The following IPO11 variants were observed in gnomAD, a reference collection of about 807,000 sequenced individuals.
IPO11 encodes importin 11.
In IPO11, 66 loss-of-function variants were observed where a neutral mutation model predicts 143.2. That is an observed-to-expected ratio of 0.46 (90% CI 0.38 to 0.57). IPO11 has a LOEUF of 0.57. Ranked by LOEUF, IPO11 falls within the 20% of genes least tolerant of loss-of-function variation. The probability of loss-of-function intolerance (pLI) is 0.00; values close to 1 mark genes in which losing one functional copy is unlikely to be tolerated. For missense variants in IPO11, 1,026 were observed against 1,141.0 expected (o/e 0.90, Z 1.45); for synonymous variants, 385 against 377.8 (o/e 1.02, Z -0.22).
At chr5:62,619,858 CA>C (rs746676766) in intron 29 of IPO11, among the ~76,000 whole-genome samples, 72 of 129,890 alleles carry the variant, frequency 5.5e-4, no homozygotes, top group Admixed American at 5.4e-4. Flanking sequence ...GACTCCACCT[CA>C]AAAAAAAAAA....
At chr5:62,463,947 C>T (rs1561321357) in intron 5 of IPO11, among the ~76,000 whole-genome samples, 1 of 151,498 alleles carries the variant, frequency 6.6e-6, no homozygotes, top group Non-Finnish European at 1.5e-5. Context: ...CCTTAGCTTC[C>T]CGAGTAGCTG....
At chr5:62,488,081 A>G (rs1281228155) in intron 13 of IPO11, among the ~76,000 whole-genome samples, 1 of 152,210 alleles carries the variant, frequency 6.6e-6, no homozygotes, top group East Asian at 1.9e-4. Context: ...TGTAGTAAAT[A>G]CAATAGAAGC....
intron 16 of IPO11, among the ~76,000 whole-genome samples, chr5:62,498,538 G>C (rs900937914): frequency 1.3e-5 from 2 of 152,112 alleles, no homozygotes; most frequent in Non-Finnish European, 2.9e-5. Context: ...GCTTCTTTAG[G>C]CTGTAGGGTT....
At chr5:62,525,862 A>G (rs1056424826) in intron 20 of IPO11, among the ~76,000 whole-genome samples, 1 of 152,212 alleles carries the variant, frequency 6.6e-6, no homozygotes, top group African/African-American at 2.4e-5. Flanking sequence ...AGGAAAATAG[A>G]TATTTCTTAT....
chr5:62,580,379 G>A (rs1580347892), intron 27 of IPO11: 8 of 1,547,198 alleles, frequency 5.2e-6, no homozygotes, highest in Admixed American at 3.9e-5. Context: ...AGAATAATTA[G>A]CATTGATAAT....
intron 28 of IPO11, 104 bp from the exon 29 acceptor site, chr5:62,601,660 T>A (rs1561382472): frequency 2.0e-6 from 1 of 510,666 alleles, no homozygotes; most frequent in Non-Finnish European, 3.2e-6. Context: ...TGTGAAAAAC[T>A]AAGAACATAG....
intron 27 of IPO11, among the ~76,000 whole-genome samples, chr5:62,586,579 C>T (rs1744780626): frequency 6.6e-6 from 1 of 151,370 alleles, no homozygotes; most frequent in Non-Finnish European, 1.5e-5. Flanking sequence ...TGAAGAAACC[C>T]CATCTCTACT....
At chr5:62,458,659 C>T (rs1354056697) in intron 5 of IPO11, among the ~76,000 whole-genome samples, 1 of 152,180 alleles carries the variant, frequency 6.6e-6, no homozygotes, top group African/African-American at 2.4e-5. Context: ...GTCATTTGTG[C>T]TGTGAACCTG....
chr5:62,535,663 A>G (rs983298161), intron 22 of IPO11, among the ~76,000 whole-genome samples: 1 of 152,094 alleles, frequency 6.6e-6, no homozygotes, highest in Non-Finnish European at 1.5e-5. Context: ...GCCTTCAGAG[A>G]CATTTTGAGA....
intron 26 of IPO11, among the ~76,000 whole-genome samples, chr5:62,557,535 C>G (rs187306701): frequency 6.6e-6 from 1 of 152,284 alleles, no homozygotes; most frequent in Non-Finnish European, 1.5e-5. Context: ...TCTCACTTCC[C>G]ATTGACATAT....
At position 62,485,405 on chromosome 5, in the gene IPO11, AT is replaced by A. The variant is rs1382577655; in HGVS notation, c.1175-9del. 8 of 1,598,524 alleles carry A rather than the reference AT, an allele frequency of 5.0e-6. No homozygotes were observed. The highest frequency in any genetic ancestry group is 6.9e-6 in the Non-Finnish European group (8 of 1,166,302). On this transcript the variant is annotated splice_polypyrimidine_tract_variant and intron_variant, in intron 11 of 29. Transcript: ENST00000325324. ...GATGTTGAAAATGTCATTATTACAT[AT>A]TTTTAATTGCAGCAGTGGAAGAAAC...
intron 1 of IPO11, among the ~76,000 whole-genome samples, chr5:62,415,127 C>T (rs766973197): frequency 2.0e-5 from 3 of 152,190 alleles, no homozygotes; most frequent in Non-Finnish European, 4.4e-5. Context: ...TCCCTGCTAA[C>T]TGCTCCTGTT....
intron 29 of IPO11, among the ~76,000 whole-genome samples, chr5:62,614,862 G>T (rs564227507): frequency 1.3e-5 from 2 of 152,274 alleles, no homozygotes; most frequent in East Asian, 3.9e-4. Context: ...TGAATGTGGG[G>T]GTTTTATTGA....
intron 28 of IPO11, among the ~76,000 whole-genome samples, chr5:62,597,211 G>T (rs866700018): frequency 2.6e-5 from 4 of 152,084 alleles, no homozygotes; most frequent in Non-Finnish European, 4.4e-5. Context: ...GAAACCTGTG[G>T]CATCAGGATA....
intron 21 of IPO11, among the ~76,000 whole-genome samples, chr5:62,529,721 CTTAGTTT>C (rs1242241330): frequency 6.6e-6 from 1 of 152,070 alleles, no homozygotes; most frequent in Non-Finnish European, 1.5e-5. Flanking sequence ...CAGGTTATTC[CTTAGTTT>C]TTAGTTTTTA....
intron 1 of IPO11, among the ~76,000 whole-genome samples, chr5:62,429,748 C>T (rs928858340): frequency 5.3e-5 from 8 of 152,012 alleles, no homozygotes; most frequent in East Asian, 1.9e-4. Context: ...CTCAGCCTCC[C>T]GAGTAGCTGG....
chr5:62,605,611 T>G (rs982387661), intron 29 of IPO11, among the ~76,000 whole-genome samples: 1 of 151,976 alleles, frequency 6.6e-6, no homozygotes, highest in African/African-American at 2.4e-5. Flanking sequence ...TTTTTGTAAT[T>G]TTTTGAAATC....
chr5:62,480,630 GTTC>G (rs746117118), intron 9 of IPO11, among the ~76,000 whole-genome samples: 16 of 152,250 alleles, frequency 1.1e-4, no homozygotes, highest in Non-Finnish European at 1.8e-4. Context: ...GTGGTTTGTA[GTTC>G]TTCTTGAAGA....
At chr5:62,576,734 A>C (rs1312556555) in intron 27 of IPO11, among the ~76,000 whole-genome samples, 2 of 152,172 alleles carry the variant, frequency 1.3e-5, no homozygotes, top group African/African-American at 2.4e-5. Context: ...GGTGAGCTGT[A>C]CTCACATTGT....
Sources: gnomAD v4.1 joint callset for allele counts (sites outside exome capture counted in the v4.1 genomes callset) on GRCh38, gnomAD v4.1.1 for gene constraint, MANE v1.5 for transcripts, NCBI Gene and HGNC (gene_info 2026-07-23, HGNC 2026-07-21) for gene names.